The following CSMD3 variants were observed in gnomAD, a reference collection of about 807,000 sequenced individuals.
CSMD3 encodes the protein CUB and sushi domain-containing protein 3.
Under a neutral mutation model 435.2 loss-of-function variants are expected in CSMD3, and 177 were observed. That is an observed-to-expected ratio of 0.41 (90% CI 0.36 to 0.46). The LOEUF (loss-of-function observed/expected upper bound fraction) is 0.46, where lower values mean the gene tolerates loss of function less well. CSMD3 is among the 20% of genes least tolerant of loss of function. The probability of loss-of-function intolerance (pLI) is 0.34; values close to 1 mark genes in which losing one functional copy is unlikely to be tolerated. For synonymous variants in CSMD3, 1,656 were observed against 1,520.5 expected (o/e 1.09, Z -2.07); for missense variants, 4,265 against 4,504.6 (o/e 0.95, Z 1.52).
chr8:112,560,728 G>T lies in CSMD3; in HGVS notation c.4043-3774C>A, dbSNP rs2131246390. On this transcript the variant is annotated intron_variant, in intron 24 of 70. Coordinates refer to ENST00000297405, the MANE Select transcript of CSMD3 (RefSeq NM_198123.2). ...TCTCTCAAACACAGAAGAAACAGCAGAAGTAGTACTTTAAAATTTCAGAAC... is the reference window on the plus strand; with the variant it reads ...TCTCTCAAACACAGAAGAAACAGCATAAGTAGTACTTTAAAATTTCAGAAC... Among the ~76,000 whole-genome samples, 2 of 151,720 alleles carry T rather than the reference G, an allele frequency of 1.3e-5. 1 individual carries two copies. Among genetic ancestry groups the T allele is most frequent in the African/African-American group, 4.8e-5 (2 of 41,504 alleles).
intron 6 of CSMD3, among the ~76,000 whole-genome samples, chr8:112,989,613 T>C (rs2085378458): frequency 6.6e-6 from 1 of 152,000 alleles, no homozygotes; most frequent in African/African-American, 2.4e-5. Context: ...GGTCACATAT[T>C]CTTTGTGACT....
intron 32 of CSMD3, among the ~76,000 whole-genome samples, chr8:112,432,487 AT>A (rs1374204085): frequency 6.6e-6 from 1 of 151,800 alleles, no homozygotes; most frequent in Non-Finnish European, 1.5e-5. Flanking sequence ...ATTTTATTTT[AT>A]TTTATCTAAA....
intron 1 of CSMD3, among the ~76,000 whole-genome samples, chr8:113,335,072 T>C (rs1439135074): frequency 6.6e-6 from 1 of 152,074 alleles, no homozygotes; most frequent in Non-Finnish European, 1.5e-5. Flanking sequence ...GTCCTAGCGA[T>C]AGTGAGTGAA....
At chr8:112,932,911 T>C (rs368562318) in intron 9 of CSMD3, among the ~76,000 whole-genome samples, 7 of 152,300 alleles carry the variant, frequency 4.6e-5, no homozygotes, top group African/African-American at 1.7e-4. Context: ...ATTTGATCAT[T>C]ACACATTCTA....
intron 3 of CSMD3, among the ~76,000 whole-genome samples, chr8:113,179,987 A>C (rs2092401593): frequency 6.6e-6 from 1 of 151,950 alleles, no homozygotes; most frequent in African/African-American, 2.4e-5. Context: ...AATTTAAAAA[A>C]GGGATAACAG....
Position 112,676,755 on chromosome 8 carries a change from T to C in CSMD3, c.2677+5687A>G, listed in dbSNP as rs576057090. On this transcript the variant is annotated intron_variant, in intron 16 of 70. Coordinates refer to ENST00000297405, the MANE Select transcript of CSMD3 (RefSeq NM_198123.2). Reference sequence around the variant, plus strand: ...GAGAATTAATTTATGTCCAACTGTCTTGCTTTTTAAAACAGAAAACTCTAG... The same window carrying C: ...GAGAATTAATTTATGTCCAACTGTCCTGCTTTTTAAAACAGAAAACTCTAG... 3.3e-5 allele frequency among the ~76,000 whole-genome samples: 5 copies of C among 152,238 alleles called. No individual in the cohort carries two copies. The East Asian group carries it at 7.7e-4, about 24-fold the overall frequency.
intron 10 of CSMD3, among the ~76,000 whole-genome samples, chr8:112,913,746 T>G (rs184422115): frequency 0.033 from 5,047 of 151,630 alleles, 138 homozygotes; most frequent in Middle Eastern, 0.051. Flanking sequence ...GGCTTTATAC[T>G]TAGTTGTCTC....
chr8:112,298,800 T>C (rs1364032792), intron 53 of CSMD3, among the ~76,000 whole-genome samples: 1 of 152,118 alleles, frequency 6.6e-6, no homozygotes, highest in Non-Finnish European at 1.5e-5. Context: ...AAAAAGAAAG[T>C]TGGCTATACC....
intron 66 of CSMD3, 98 bp downstream of exon 66, chr8:112,241,622 C>T: frequency 1.2e-6 from 1 of 819,906 alleles, no homozygotes; most frequent in Non-Finnish European, 2.1e-6. Context: ...GTTTTTTATA[C>T]TTAAATATAT....
chr8:112,977,707 G>A (rs2084905930), intron 6 of CSMD3, among the ~76,000 whole-genome samples: 1 of 151,864 alleles, frequency 6.6e-6, no homozygotes, highest in Non-Finnish European at 1.5e-5. Context: ...AAGTAAATGA[G>A]GTATGACGAT....
At chr8:112,924,388 C>T (rs1408188319) in intron 9 of CSMD3, among the ~76,000 whole-genome samples, 1 of 151,966 alleles carries the variant, frequency 6.6e-6, no homozygotes, top group Non-Finnish European at 1.5e-5. Context: ...AGGGCCTGGC[C>T]CATAGGATTC....
chr8:112,895,182 AC>A (rs2130370254), intron 10 of CSMD3, among the ~76,000 whole-genome samples: 1 of 151,544 alleles, frequency 6.6e-6, no homozygotes, highest in South Asian at 2.1e-4. Context: ...GAGTTTATAT[AC>A]TAATGAGAGA....
intron 32 of CSMD3, among the ~76,000 whole-genome samples, chr8:112,410,678 A>G (rs547256395): frequency 1.6e-4 from 13 of 79,180 alleles, no homozygotes; most frequent in Admixed American, 4.5e-4. Context: ...ATATATGTGT[A>G]TATATATATG....
In CSMD3 at chr8:112,975,927, G is replaced by A. The variant is rs750144562; in HGVS notation, c.1252C>T (p.His418Tyr). The A allele has an allele frequency of 1.2e-6, 2 of 1,614,054 alleles. No individual in the cohort carries two copies. The highest frequency in any genetic ancestry group is 8.5e-7 in the Non-Finnish European group (1 of 1,179,946). Reference sequence around the variant, plus strand: ...CTGGTACTTTGTGTATCTGCTGGATGAGGAGAGAGCCCGTCCTTGGACGTG... The same window carrying A: ...CTGGTACTTTGTGTATCTGCTGGATAAGGAGAGAGCCCGTCCTTGGACGTG... ...PNTSKDGLSP[H>Y]PADTQSTRRR... Residue 418 changes from histidine (H) to tyrosine (Y), a missense_variant, in exon 7 of 71, where the codon CAT becomes TAT. Transcript: ENST00000297405.
At chr8:113,368,976 T>C (rs1232331310) in intron 1 of CSMD3, among the ~76,000 whole-genome samples, 1 of 152,054 alleles carries the variant, frequency 6.6e-6, no homozygotes, top group Non-Finnish European at 1.5e-5. Flanking sequence ...TAGAAACAAC[T>C]GCATTGAAAT....
intron 3 of CSMD3, among the ~76,000 whole-genome samples, chr8:113,180,927 A>T (rs2092413740): frequency 1.3e-5 from 2 of 152,040 alleles, no homozygotes; most frequent in South Asian, 4.1e-4. Context: ...GATGTTGCAA[A>T]CATGAGGCCG....
rs750733151 is a variant in CSMD3 at position 112,666,237 on chromosome 8, A to G, written c.2816+40T>C. The stretch of plus-strand genomic sequence containing the variant: ...AAGAGAATGTCAACTAATCTTTTAG[A>G]TAATATTTTCTTTAAAAGTAGGAAA... On this transcript the variant is annotated intron_variant, in intron 17 of 70. Coordinates refer to ENST00000297405, the MANE Select transcript of CSMD3 (RefSeq NM_198123.2). The G allele has an allele frequency of 3.5e-6, 5 of 1,433,646 alleles. No individual in the cohort carries two copies. In the Admixed American group the frequency reaches 6.9e-5, roughly 20 times the overall value. The allele number at this position is 1,433,646 out of a possible 1,614,324, so 88.8% of individuals were successfully genotyped here. A position where few individuals can be genotyped will look rare whatever the true frequency, so the allele number is the denominator to read the frequency against.
chr8:112,298,726 T>C (rs1820585952), intron 53 of CSMD3, among the ~76,000 whole-genome samples: 1 of 152,070 alleles, frequency 6.6e-6, no homozygotes. Context: ...AACATTAGTA[T>C]TCATTAAGAC....
At chr8:113,225,639 A>T (rs2093018328) in intron 3 of CSMD3, among the ~76,000 whole-genome samples, 1 of 151,554 alleles carries the variant, frequency 6.6e-6, no homozygotes, top group Admixed American at 6.6e-5. Flanking sequence ...ATTGTTAATT[A>T]CATAGACAAA....
Sources: gnomAD v4.1 joint callset for allele counts (sites outside exome capture counted in the v4.1 genomes callset) on GRCh38, gnomAD v4.1.1 for gene constraint, MANE v1.5 for transcripts, NCBI Gene and HGNC (gene_info 2026-07-23, HGNC 2026-07-21) for gene names.